ENOX1: variants seen among roughly 807,000 people sequenced by gnomAD.
ENOX1 encodes the protein candidate growth-related and time keeping constitutive hydroquinone (NADH) oxidase.
In ENOX1, 42 loss-of-function variants were observed where a neutral mutation model predicts 82.5. The ratio of observed to expected loss-of-function variants is 0.51; its 90% confidence interval spans 0.40 to 0.66. The LOEUF is 0.66. Ranked by LOEUF, ENOX1 falls within the 30% of genes least tolerant of loss-of-function variation. The pLI, the probability that ENOX1 is intolerant of heterozygous loss-of-function variation, is 0.00. For missense variants in ENOX1, 608 were observed against 811.6 expected (o/e 0.75, Z 3.05); for synonymous variants, 271 against 282.2 (o/e 0.96, Z 0.40).
chr13:43,625,458 G>A (rs1174582543), intron 2 of ENOX1, among the ~76,000 whole-genome samples: 1 of 151,864 alleles, frequency 6.6e-6, no homozygotes, highest in Non-Finnish European at 1.5e-5. Context: ...TAACTAAAAT[G>A]TTATTTCTAG....
chr13:43,417,026 G>A (rs2054636629), intron 3 of ENOX1, among the ~76,000 whole-genome samples: 1 of 152,200 alleles, frequency 6.6e-6, no homozygotes, highest in East Asian at 1.9e-4. Flanking sequence ...CCGGTCAACA[G>A]GGTGAAACCC....
At chr13:43,246,771 C>A (rs552734245) in intron 14 of ENOX1, among the ~76,000 whole-genome samples, 1 of 152,092 alleles carries the variant, frequency 6.6e-6, no homozygotes, top group South Asian at 2.1e-4. Flanking sequence ...GAGGCTCAGG[C>A]AAGGAGGCCC....
intron 2 of ENOX1, among the ~76,000 whole-genome samples, chr13:43,574,817 T>C (rs978854464): frequency 5.3e-5 from 8 of 152,160 alleles, no homozygotes; most frequent in African/African-American, 1.9e-4. Flanking sequence ...GTGTGGATAT[T>C]TTCAAGGATT....
rs1465394964 is a variant in ENOX1 at position 43,694,769 on chromosome 13, C to A, written c.-284-27225G>T. On this transcript the variant is annotated intron_variant, in intron 1 of 16. Coordinates refer to ENST00000690772, the MANE Select transcript of ENOX1 (RefSeq NM_001347969.2). Reference sequence around the variant, plus strand: ...CCCTCTCCTATTCCAAGACAAGACTCACTTCTACCCTTCCTCAGTGACTTC... The same window carrying A: ...CCCTCTCCTATTCCAAGACAAGACTAACTTCTACCCTTCCTCAGTGACTTC... Among the ~76,000 whole-genome samples, 3 of 152,186 alleles carry A rather than the reference C, an allele frequency of 2.0e-5. No individual in the cohort carries two copies. In the East Asian group the frequency reaches 5.8e-4, roughly 29 times the overall value.
chr13:43,231,145 T>C (rs1274175395), intron 15 of ENOX1, among the ~76,000 whole-genome samples: 1 of 152,176 alleles, frequency 6.6e-6, no homozygotes, highest in African/African-American at 2.4e-5. Flanking sequence ...GCTGTGTCTC[T>C]AGACACAGTC....
chr13:43,548,313 T>C (rs2079051818), intron 2 of ENOX1, among the ~76,000 whole-genome samples: 1 of 152,184 alleles, frequency 6.6e-6, no homozygotes, highest in Non-Finnish European at 1.5e-5. Context: ...AGTATTCTAG[T>C]TCCACACAAT....
At chr13:43,748,960 C>T (rs1373776671) in intron 1 of ENOX1, among the ~76,000 whole-genome samples, 5 of 152,092 alleles carry the variant, frequency 3.3e-5, no homozygotes, top group Admixed American at 2.6e-4. Context: ...GGATAAGTTA[C>T]TTAATTTCTC....
intron 1 of ENOX1, among the ~76,000 whole-genome samples, chr13:43,680,416 C>T (rs1040938718): frequency 6.6e-6 from 1 of 152,094 alleles, no homozygotes; most frequent in Non-Finnish European, 1.5e-5. Context: ...TCCTTCAGTT[C>T]AATTCAAAGT....
At chr13:43,516,557 A>G (rs1037416145) in intron 2 of ENOX1, among the ~76,000 whole-genome samples, 2 of 152,196 alleles carry the variant, frequency 1.3e-5, no homozygotes, top group African/African-American at 4.8e-5. Context: ...CCTGCTCTGC[A>G]ATGACCATCA....
intron 8 of ENOX1, among the ~76,000 whole-genome samples, chr13:43,350,694 C>T (rs1216123024): frequency 6.6e-6 from 1 of 152,214 alleles, no homozygotes; most frequent in Admixed American, 6.5e-5. Context: ...ATCCACCCAT[C>T]TCGGCCTCCC....
chr13:43,244,270 A>G (rs78683366), intron 14 of ENOX1, among the ~76,000 whole-genome samples: 1,617 of 152,070 alleles, frequency 0.011, 31 homozygotes, highest in African/African-American at 0.038. Flanking sequence ...TTCAAAAACT[A>G]TAAATTTCTA....
At chr13:43,236,880 A>G (rs1192487063) in intron 14 of ENOX1, 142 bp from the exon 15 acceptor site, 1 of 446,886 alleles carries the variant, frequency 2.2e-6, no homozygotes, top group East Asian at 3.8e-5. Context: ...TATACAATTG[A>G]TCTATTTGCC....
intron 5 of ENOX1, among the ~76,000 whole-genome samples, chr13:43,402,222 G>T (rs2153590880): frequency 6.6e-6 from 1 of 152,192 alleles, no homozygotes; most frequent in African/African-American, 2.4e-5. Flanking sequence ...AAAAAAGAAG[G>T]AATCTGAAAA....
At chr13:43,623,727 T>C (rs2082848129) in intron 2 of ENOX1, among the ~76,000 whole-genome samples, 1 of 152,180 alleles carries the variant, frequency 6.6e-6, no homozygotes, top group Non-Finnish European at 1.5e-5. Context: ...AGATGCAATC[T>C]AGTCCTGCCT....
intron 2 of ENOX1, among the ~76,000 whole-genome samples, chr13:43,566,430 A>G (rs2079923631): frequency 6.6e-6 from 1 of 152,088 alleles, no homozygotes; most frequent in East Asian, 1.9e-4. Flanking sequence ...TATTTATTAT[A>G]TGATATATAT....
At chr13:43,284,695 TACTG>T in intron 12 of ENOX1, among the ~76,000 whole-genome samples, 1 of 152,260 alleles carries the variant, frequency 6.6e-6, no homozygotes, top group African/African-American at 2.4e-5. Context: ...CTTGGAAACT[TACTG>T]ACAAAGTTCA....
intron 3 of ENOX1, among the ~76,000 whole-genome samples, chr13:43,444,733 T>C (rs2056532884): frequency 6.6e-6 from 1 of 152,224 alleles, no homozygotes; most frequent in Non-Finnish European, 1.5e-5. Context: ...ATTGTGTTCA[T>C]TGTTCACCTT....
intron 14 of ENOX1, among the ~76,000 whole-genome samples, chr13:43,242,600 G>C (rs1188875070): frequency 1.3e-5 from 2 of 152,180 alleles, no homozygotes; most frequent in Non-Finnish European, 2.9e-5. Flanking sequence ...TTTCAGCCTT[G>C]GCTCTTCCTC....
intron 2 of ENOX1, among the ~76,000 whole-genome samples, chr13:43,651,221 A>AAGGAAGAAGAGG (rs1282233686): frequency 6.6e-6 from 1 of 152,160 alleles, no homozygotes; most frequent in African/African-American, 2.4e-5. Flanking sequence ...ATTATCTAAA[A>AAGGAAGAAGAGG]AGGAAGAAGA....
Sources: allele counts gnomAD v4.1 joint callset (sites outside exome capture counted in the v4.1 genomes callset), GRCh38; gene constraint gnomAD v4.1.1; transcripts MANE v1.5; gene names NCBI Gene and HGNC (gene_info 2026-07-23, HGNC 2026-07-21).